Variants in MRAS observed in about 807,000 individuals in gnomAD.
MRAS encodes ras-related protein M-Ras.
Under a neutral mutation model 20.9 loss-of-function variants are expected in MRAS, and 4 were observed. That is an observed-to-expected ratio of 0.19 (90% CI 0.09 to 0.44). The LOEUF is 0.44. Among genes scored for constraint, MRAS ranks in the 20% least tolerant of loss-of-function variants. The pLI is 0.99. For missense variants in MRAS, 154 were observed against 277.5 expected (o/e 0.56, Z 3.16); for synonymous variants, 98 against 102.9 (o/e 0.95, Z 0.29).
chr3:138,360,770 A>C (rs752252834), intron 1 of MRAS, among the ~76,000 whole-genome samples: 2 of 152,178 alleles, frequency 1.3e-5, no homozygotes, highest in Non-Finnish European at 2.9e-5. Flanking sequence ...GACAGCAGAC[A>C]CGTTGGAGCG....
intron 1 of MRAS, among the ~76,000 whole-genome samples, chr3:138,365,965 A>G (rs938820351): frequency 6.6e-6 from 1 of 152,216 alleles, no homozygotes; most frequent in African/African-American, 2.4e-5. Context: ...GCTGAAAAGC[A>G]CTGGTGGCTT....
At chr3:138,372,261 C>T (rs2054690063) in intron 1 of MRAS, among the ~76,000 whole-genome samples, 2 of 152,182 alleles carry the variant, frequency 1.3e-5, no homozygotes, top group Non-Finnish European at 2.9e-5. Context: ...CTTCGACCTG[C>T]TCCTACCCCC....
At position 138,402,297 on chromosome 3, in the gene MRAS, G is replaced by A. The variant is rs200338709; in HGVS notation, c.*28G>A. The A allele has an allele frequency of 3.4e-5, 54 of 1,594,730 alleles. No individual in the cohort carries two copies. The East Asian group carries it at 3.8e-4, about 11-fold the overall frequency. ...GGCCTGAGGCCCTGGGCACAGTGACGGTGGCCTGGCCAGCCCTCGGGACCC... is the reference window on the plus strand; with the variant it reads ...GGCCTGAGGCCCTGGGCACAGTGACAGTGGCCTGGCCAGCCCTCGGGACCC... On this transcript the variant is annotated 3_prime_UTR_variant, in exon 6 of 6. Coordinates refer to ENST00000423968, the MANE Select transcript of MRAS (RefSeq NM_001085049.3).
chr3:138,353,256 A>G (rs114233940), intron 1 of MRAS, among the ~76,000 whole-genome samples: 1 of 151,506 alleles, frequency 6.6e-6, no homozygotes, highest in African/African-American at 2.4e-5. Flanking sequence ...TATTTTAAGT[A>G]AAAAAAAAGA....
chr3:138,366,229 G>A (rs1001536174), intron 1 of MRAS, among the ~76,000 whole-genome samples: 11 of 152,302 alleles, frequency 7.2e-5, no homozygotes, highest in Non-Finnish European at 1.3e-4. Context: ...CTCCACATGG[G>A]TTGGGTCACT....
intron 2 of MRAS, among the ~76,000 whole-genome samples, chr3:138,379,084 A>G (rs2054845330): frequency 6.6e-6 from 1 of 152,134 alleles, no homozygotes; most frequent in Admixed American, 6.6e-5. Flanking sequence ...AATTATTGTT[A>G]ACTATAATTT....
chr3:138,361,807 G>C (rs143474364), intron 1 of MRAS, among the ~76,000 whole-genome samples: 1 of 152,188 alleles, frequency 6.6e-6, no homozygotes, highest in Non-Finnish European at 1.5e-5. Context: ...CCAATTGCAC[G>C]CAGATTCCTA....
chr3:138,352,010 C>T lies in MRAS; in HGVS notation c.-19+3243C>T, dbSNP rs1452064805. On this transcript the variant is annotated intron_variant, in intron 1 of 5. Transcript: ENST00000423968. ...TAAGCCCATTGTGCAGCCAAGTCAG[C>T]ATGCCATTCCAGTGCAGTGTGAGAG... 2.2e-4 allele frequency among the ~76,000 whole-genome samples: 34 copies of T among 152,180 alleles called. 1 individual carries two copies. The highest frequency in any genetic ancestry group is 2.2e-3 in the Admixed American group (34 of 15,280).
intron 1 of MRAS, among the ~76,000 whole-genome samples, chr3:138,358,551 A>G (rs951891387): frequency 1.3e-5 from 2 of 152,232 alleles, no homozygotes; most frequent in Non-Finnish European, 2.9e-5. Context: ...ATTTTGTAAC[A>G]TAAGGATTAG....
chr3:138,365,472 A>G (rs1314001787), intron 1 of MRAS, among the ~76,000 whole-genome samples: 1 of 152,180 alleles, frequency 6.6e-6, no homozygotes, highest in East Asian at 1.9e-4. Context: ...ACTTACTTCA[A>G]CCTTGGCCTT....
At chr3:138,354,564 C>T (rs1267399747) in intron 1 of MRAS, among the ~76,000 whole-genome samples, 4 of 152,206 alleles carry the variant, frequency 2.6e-5, no homozygotes, top group Non-Finnish European at 4.4e-5. Flanking sequence ...AGAAGCCACT[C>T]TGGGGAGAGT....
chr3:138,402,035 TC>T (rs2055371115), intron 5 of MRAS, 134 bp from the exon 6 acceptor site: 1 of 751,390 alleles, frequency 1.3e-6, no homozygotes, highest in Non-Finnish European at 2.2e-6. Flanking sequence ...AGGGATGGCA[TC>T]CCCATCCCCC....
chr3:138,394,356 G>A (rs2055191523), intron 2 of MRAS, among the ~76,000 whole-genome samples: 2 of 152,152 alleles, frequency 1.3e-5, no homozygotes, highest in African/African-American at 4.8e-5. Flanking sequence ...TTATGCCCTG[G>A]GCACCTCTTG....
chr3:138,365,102 A>G (rs1438913972), intron 1 of MRAS, among the ~76,000 whole-genome samples: 1 of 152,216 alleles, frequency 6.6e-6, no homozygotes, highest in Non-Finnish European at 1.5e-5. Flanking sequence ...GTGACCTTCA[A>G]AAAGTTATTT....
Position 138,402,360 on chromosome 3 carries a change from A to C in MRAS, c.*91A>C. On this transcript the variant is annotated 3_prime_UTR_variant, in exon 6 of 6. Transcript: ENST00000423968. ...CTGCACTGAAACCATTTCTAACCAC[A>C]ACCCTTGGCCCAAGGACTTGGTACA... The C allele has an allele frequency of 9.0e-7, 1 of 1,106,128 alleles. No individual in the cohort carries two copies. The highest frequency in any genetic ancestry group is 1.3e-6 in the Non-Finnish European group (1 of 748,816). 68.5% of individuals were successfully genotyped at this position (1,106,128 alleles called of 1,614,324 possible). A position where few individuals can be genotyped will look rare whatever the true frequency, so the allele number is the denominator to read the frequency against.
intron 3 of MRAS, among the ~76,000 whole-genome samples, chr3:138,398,041 G>A (rs867068753): frequency 8.5e-5 from 13 of 152,192 alleles, no homozygotes; most frequent in African/African-American, 2.9e-4. Flanking sequence ...TGAGATTGTC[G>A]TTTCATTCAG....
chr3:138,350,654 A>G (rs570136293), intron 1 of MRAS, among the ~76,000 whole-genome samples: 1 of 152,344 alleles, frequency 6.6e-6, no homozygotes, highest in Non-Finnish European at 1.5e-5. Flanking sequence ...TTTCACCTAC[A>G]TAAGACACTT....
At chr3:138,351,658 A>T (rs2054229570) in intron 1 of MRAS, among the ~76,000 whole-genome samples, 1 of 152,238 alleles carries the variant, frequency 6.6e-6, no homozygotes, top group African/African-American at 2.4e-5. Flanking sequence ...AAGATTAAGC[A>T]GAGCTCAGAT....
At chr3:138,365,178 T>G (rs1323434918) in intron 1 of MRAS, among the ~76,000 whole-genome samples, 1 of 152,244 alleles carries the variant, frequency 6.6e-6, no homozygotes, top group Non-Finnish European at 1.5e-5. Flanking sequence ...CTTCTAGGGT[T>G]GTTGTGAGAA....
Sources: allele counts gnomAD v4.1 joint callset (sites outside exome capture counted in the v4.1 genomes callset), GRCh38; gene constraint gnomAD v4.1.1; transcripts MANE v1.5; gene names NCBI Gene and HGNC (gene_info 2026-07-23, HGNC 2026-07-21).